The following SDK1 variants were observed in gnomAD, a reference collection of about 807,000 sequenced individuals.
The protein encoded by SDK1 is protein sidekick-1.
In SDK1, 157 loss-of-function variants were observed where a neutral mutation model predicts 245.5. The observed-to-expected ratio is 0.64, with a 90% CI of 0.56 to 0.73. The LOEUF is 0.73. Among genes scored for constraint, SDK1 ranks in the 30% least tolerant of loss-of-function variants. The pLI, the probability that SDK1 is intolerant of heterozygous loss-of-function variation, is 0.00. For missense variants in SDK1, 3,583 were observed against 3,002.3 expected, an observed-to-expected ratio of 1.19 and a Z score of -4.52; for synonymous variants, 1,647 against 1,278.5, an observed-to-expected ratio of 1.29 and a Z score of -6.15.
Position 4,067,894 on chromosome 7 carries a change from G to A in SDK1, c.2968G>A (p.Val990Ile), listed in dbSNP as rs1780003383. ...FTEILDTSLK[V>I]SWQEPLEKNG... The stretch of plus-strand genomic sequence containing the variant: ...AGAGATCTTGGACACATCTCTCAAG[G>A]TCAGCTGGCAGGAGCCCCTGGAGAA... Residue 990 changes from valine to isoleucine, a missense_variant, in exon 20 of 45, where the codon GTC becomes ATC. Coordinates refer to ENST00000404826, the MANE Select transcript of SDK1 (RefSeq NM_152744.4). 6.2e-7 allele frequency: 1 copy of A among 1,613,426 alleles called. No homozygotes were observed. Among genetic ancestry groups the A allele is most frequent in the African/African-American group, 1.3e-5 (1 of 75,066 alleles).
intron 1 of SDK1, among the ~76,000 whole-genome samples, chr7:3,611,580 A>G (rs77895042): frequency 0.022 from 3,311 of 152,184 alleles, 125 homozygotes; most frequent in African/African-American, 0.075. Context: ...GGATTGCTAG[A>G]TGAAAGGGTA....
chr7:3,952,027 C>G (rs953489101), intron 7 of SDK1, 107 bp downstream of exon 7: 6 of 1,042,130 alleles, frequency 5.8e-6, no homozygotes, highest in African/African-American at 1.6e-5. Context: ...ATTTGTAACT[C>G]GGCAAATGAA....
At chr7:3,725,247 A>T (rs1778974971) in intron 4 of SDK1, among the ~76,000 whole-genome samples, 1 of 152,186 alleles carries the variant, frequency 6.6e-6, no homozygotes, top group South Asian at 2.1e-4. Flanking sequence ...AGGAAGACGG[A>T]CTTTCACATG....
intron 4 of SDK1, among the ~76,000 whole-genome samples, chr7:3,814,891 C>G (rs964543744): frequency 1.3e-5 from 2 of 152,042 alleles, no homozygotes; most frequent in Admixed American, 6.6e-5. Flanking sequence ...AATGGGAGTT[C>G]ACTCATGATT....
intron 4 of SDK1, among the ~76,000 whole-genome samples, chr7:3,764,177 G>A (rs1780185377): frequency 6.6e-6 from 1 of 152,052 alleles, no homozygotes; most frequent in African/African-American, 2.4e-5. Context: ...TGTGAATGGG[G>A]ATTTTCAGAT....
intron 1 of SDK1, among the ~76,000 whole-genome samples, chr7:3,417,509 A>T (rs533683996): frequency 1.3e-5 from 2 of 152,186 alleles, no homozygotes; most frequent in South Asian, 2.1e-4. Flanking sequence ...TCAAGCGTAC[A>T]CTTAAATAGT....
chr7:3,586,868 A>T (rs755251924), intron 1 of SDK1, among the ~76,000 whole-genome samples: 9 of 152,128 alleles, frequency 5.9e-5, no homozygotes, highest in Non-Finnish European at 1.3e-4. Flanking sequence ...TTGAGCAGGG[A>T]GGTGACATGT....
In SDK1 at chr7:4,266,784, G is replaced by A; in HGVS notation, c.*1400G>A. ...ACGGGAGCACTGCTGGTGCCCACTG[G>A]CGTGTGTGCCCCGGGTCCCTGTAAG... On this transcript the variant is annotated 3_prime_UTR_variant, in exon 45 of 45. Coordinates refer to ENST00000404826, the MANE Select transcript of SDK1 (RefSeq NM_152744.4). The A allele has an allele frequency of 1.0e-6, 1 of 985,464 alleles. No homozygotes were observed. Among genetic ancestry groups the A allele is most frequent in the Non-Finnish European group, 1.2e-6 (1 of 829,984 alleles). 61.0% of individuals were successfully genotyped at this position (985,464 alleles called of 1,614,324 possible). A position where few individuals can be genotyped will look rare whatever the true frequency, so the allele number is the denominator to read the frequency against.
At chr7:4,158,922 T>C (rs978841644) in intron 31 of SDK1, among the ~76,000 whole-genome samples, 1 of 152,186 alleles carries the variant, frequency 6.6e-6, no homozygotes, top group African/African-American at 2.4e-5. Flanking sequence ...CGCAGGTAAG[T>C]GATGGGAAGC....
At chr7:3,386,798 T>A (rs1206727880) in intron 1 of SDK1, among the ~76,000 whole-genome samples, 1 of 152,188 alleles carries the variant, frequency 6.6e-6, no homozygotes, top group Non-Finnish European at 1.5e-5. Flanking sequence ...TCACCATGTT[T>A]ATCTTTTGGG....
At chr7:3,448,341 T>G (rs779558183) in intron 1 of SDK1, among the ~76,000 whole-genome samples, 6 of 152,214 alleles carry the variant, frequency 3.9e-5, no homozygotes, top group Non-Finnish European at 5.9e-5. Flanking sequence ...CTGGCCATTT[T>G]TCTATTGAGT....
rs75215468 is a variant in SDK1 at position 3,967,649 on chromosome 7, G to C, written c.1546+215G>C. Among the ~76,000 whole-genome samples the C allele has an allele frequency of 1.1e-4, 17 of 152,344 alleles. No individual in the cohort carries two copies. In the East Asian group the frequency reaches 3.1e-3, roughly 28 times the overall value. On this transcript the variant is annotated intron_variant, in intron 10 of 44. Transcript: ENST00000404826. ...CCATGGTCTCCAGTGGGGGCTGATG[G>C]TCTAAGGATGAAACTGTTCCATCTC...
chr7:3,748,617 A>G (rs1358448197), intron 4 of SDK1, among the ~76,000 whole-genome samples: 1 of 152,198 alleles, frequency 6.6e-6, no homozygotes, highest in Non-Finnish European at 1.5e-5. Flanking sequence ...GGCCTTGGGC[A>G]GTTGCTTTAG....
chr7:3,437,781 A>G (rs1780072989), intron 1 of SDK1, among the ~76,000 whole-genome samples: 1 of 152,188 alleles, frequency 6.6e-6, no homozygotes, highest in Non-Finnish European at 1.5e-5. Context: ...AAAAAATTAG[A>G]TATGATTAAG....
intron 5 of SDK1, among the ~76,000 whole-genome samples, chr7:3,921,539 AC>A (rs1412430505): frequency 5.3e-5 from 8 of 152,170 alleles, no homozygotes; most frequent in African/African-American, 1.9e-4. Context: ...TAAGAACTAG[AC>A]CTCTCTTCTC....
intron 1 of SDK1, among the ~76,000 whole-genome samples, chr7:3,598,333 C>A (rs2128637831): frequency 6.6e-6 from 1 of 152,246 alleles, no homozygotes; most frequent in East Asian, 1.9e-4. Context: ...AGAATATTTT[C>A]TCTTACTCTG....
intron 1 of SDK1, among the ~76,000 whole-genome samples, chr7:3,559,368 A>C (rs1017172623): frequency 4.6e-5 from 7 of 152,180 alleles, no homozygotes; most frequent in Non-Finnish European, 1.0e-4. Flanking sequence ...GGTGTTTATG[A>C]AGACCTTTGT....
At chr7:4,228,326 G>A (rs1785557456) in intron 40 of SDK1, among the ~76,000 whole-genome samples, 1 of 150,242 alleles carries the variant, frequency 6.7e-6, no homozygotes, top group African/African-American at 2.5e-5. Context: ...ACGATAGACA[G>A]GTGTGATTTG....
intron 5 of SDK1, among the ~76,000 whole-genome samples, chr7:3,857,985 C>G (rs1023329333): frequency 6.6e-6 from 1 of 152,104 alleles, no homozygotes; most frequent in African/African-American, 2.4e-5. Flanking sequence ...GATGGAAAGA[C>G]TCAATTATGT....
Sources: gnomAD v4.1 joint callset for allele counts (sites outside exome capture counted in the v4.1 genomes callset) on GRCh38, gnomAD v4.1.1 for gene constraint, MANE v1.5 for transcripts, NCBI Gene and HGNC (gene_info 2026-07-23, HGNC 2026-07-21) for gene names.